GSAP: variants seen among roughly 807,000 people sequenced by gnomAD.
GSAP encodes the protein gamma-secretase-activating protein.
Under a neutral mutation model 131.7 loss-of-function variants are expected in GSAP, and 118 were observed. The observed-to-expected ratio is 0.90, with a 90% CI of 0.77 to 1.04. The LOEUF (loss-of-function observed/expected upper bound fraction) is 1.04, where lower values mean the gene tolerates loss of function less well. Among genes scored for constraint, GSAP ranks in the 50% least tolerant of loss-of-function variants. The pLI, the probability that GSAP is intolerant of heterozygous loss-of-function variation, is 0.00. For missense variants in GSAP, 1,019 were observed against 1,013.2 expected (o/e 1.01, Z -0.08); for synonymous variants, 381 against 363.4 (o/e 1.05, Z -0.55).
At chr7:77,325,865 C>A (rs971407874) in intron 23 of GSAP, among the ~76,000 whole-genome samples, 5 of 152,170 alleles carry the variant, frequency 3.3e-5, no homozygotes, top group Non-Finnish European at 7.3e-5. Context: ...GCCACTGTGC[C>A]CGGCCTGTTC....
intron 19 of GSAP, among the ~76,000 whole-genome samples, chr7:77,335,554 T>C (rs1250526471): frequency 6.6e-6 from 1 of 152,160 alleles, no homozygotes; most frequent in African/African-American, 2.4e-5. Flanking sequence ...ATCACAACTA[T>C]TCACTGAACA....
chr7:77,385,606 T>C (rs1485245222), intron 6 of GSAP, among the ~76,000 whole-genome samples: 1 of 152,066 alleles, frequency 6.6e-6, no homozygotes, highest in African/African-American at 2.4e-5. Flanking sequence ...CTCCCCACAT[T>C]GATGACAGTG....
intron 12 of GSAP, among the ~76,000 whole-genome samples, chr7:77,368,769 ATAAT>A (rs756316133): frequency 6.6e-6 from 1 of 152,238 alleles, no homozygotes; most frequent in Non-Finnish European, 1.5e-5. Flanking sequence ...TTCTTGTGAG[ATAAT>A]TAAATAAGAT....
intron 5 of GSAP, among the ~76,000 whole-genome samples, chr7:77,390,859 G>T (rs1207554295): frequency 6.8e-6 from 1 of 146,040 alleles, no homozygotes; most frequent in Non-Finnish European, 1.5e-5. Flanking sequence ...TAAGGCAGGA[G>T]ACTCGCTTGA....
At chr7:77,317,974 T>C (rs935798701) in intron 26 of GSAP, among the ~76,000 whole-genome samples, 2 of 152,156 alleles carry the variant, frequency 1.3e-5, no homozygotes, top group African/African-American at 4.8e-5. Context: ...AGACATTAAA[T>C]AAGGTGGATG....
intron 1 of GSAP, among the ~76,000 whole-genome samples, chr7:77,413,830 T>C (rs1429030543): frequency 6.7e-6 from 1 of 149,804 alleles, no homozygotes; most frequent in Non-Finnish European, 1.5e-5. Context: ...TTAAGCTGGG[T>C]AGTGGATACA....
chr7:77,415,964 G>C (rs1804344947), intron 1 of GSAP: 1 of 384,278 alleles, frequency 2.6e-6, no homozygotes, highest in South Asian at 7.3e-5. Flanking sequence ...GAATTTCCGC[G>C]GGCCGGCAGC....
rs760144056 is a variant in GSAP, at chr7:77,382,647, T to TA, written c.457-5dup. 4 of 1,489,694 alleles carry TA rather than the reference T, an allele frequency of 2.7e-6. No individual in the cohort carries two copies. The highest frequency in any genetic ancestry group is 1.4e-5 in the African/African-American group (1 of 72,386). The allele number at this position is 1,489,694 out of a possible 1,614,324, so 92.3% of individuals were successfully genotyped here. A position where few individuals can be genotyped will look rare whatever the true frequency, so the allele number is the denominator to read the frequency against. ...TTTCAATATGTGGGTAGAGAAACTGTAAAAAAGAAATTAATCATAATTGTA... is the reference window on the plus strand; with the variant it reads ...TTTCAATATGTGGGTAGAGAAACTGTAAAAAAAGAAATTAATCATAATTGTA... On this transcript the variant is annotated splice_polypyrimidine_tract_variant and splice_region_variant and intron_variant, in intron 6 of 30. Coordinates refer to ENST00000257626, the MANE Select transcript of GSAP (RefSeq NM_017439.4).
intron 26 of GSAP, among the ~76,000 whole-genome samples, chr7:77,318,338 A>G (rs1167203250): frequency 6.7e-6 from 1 of 150,164 alleles, no homozygotes; most frequent in Non-Finnish European, 1.5e-5. Context: ...AGTTTCTACC[A>G]GTTAAAATTT....
At chr7:77,365,648 G>C (rs918168697) in intron 12 of GSAP, among the ~76,000 whole-genome samples, 1 of 152,158 alleles carries the variant, frequency 6.6e-6, no homozygotes, top group East Asian at 1.9e-4. Context: ...GGGCATTTAG[G>C]TTGATTCCAT....
chr7:77,384,276 G>A (rs1181969541), intron 6 of GSAP, among the ~76,000 whole-genome samples: 1 of 152,172 alleles, frequency 6.6e-6, no homozygotes, highest in Non-Finnish European at 1.5e-5. Flanking sequence ...GTGCTGAAGA[G>A]GTGTAACTGC....
intron 10 of GSAP, among the ~76,000 whole-genome samples, chr7:77,375,310 C>T (rs534449994): frequency 1.5e-4 from 23 of 152,286 alleles, no homozygotes; most frequent in Non-Finnish European, 2.8e-4. Flanking sequence ...TAATCATGAG[C>T]TTGATGTTTG....
At chr7:77,379,753 C>CCT (rs1372784901) in intron 8 of GSAP, 3 of 394,932 alleles carry the variant, frequency 7.6e-6, no homozygotes, top group Non-Finnish European at 1.0e-5. Context: ...GACTCCTGGC[C>CCT]CTCTCTGTCC....
intron 1 of GSAP, among the ~76,000 whole-genome samples, chr7:77,409,411 T>C (rs1173191201): frequency 6.6e-6 from 1 of 152,202 alleles, no homozygotes; most frequent in East Asian, 1.9e-4. Context: ...ATTCCAGGCC[T>C]ACTATACTTT....
In GSAP at chr7:77,314,264, G is replaced by T. The variant is rs1794731072; in HGVS notation, c.2209+106C>A. 10 of 1,165,050 alleles carry T rather than the reference G, an allele frequency of 8.6e-6. No homozygotes were observed. The South Asian group carries it at 1.3e-4, about 16-fold the overall frequency. 72.2% of individuals were successfully genotyped at this position (1,165,050 alleles called of 1,614,324 possible). A position where few individuals can be genotyped will look rare whatever the true frequency, so the allele number is the denominator to read the frequency against. Reference sequence around the variant, plus strand: ...ATTAAACTGAGCAGGGCACTCTTCTGAGTGCAGCCAGGCTCTTGGTGACTG... The same window carrying T: ...ATTAAACTGAGCAGGGCACTCTTCTTAGTGCAGCCAGGCTCTTGGTGACTG... On this transcript the variant is annotated intron_variant, in intron 27 of 30. Transcript: ENST00000257626.
At position 77,312,102 on chromosome 7, in the gene GSAP, T is replaced by A; in HGVS notation, c.2372A>T (p.Gln791Leu). Reference sequence around the variant, plus strand: ...GGCTGTGCTTTCAGAGAAACTCACCTGTTTCTTATAGTTCTGAAGCAGTCG... The same window carrying A: ...GGCTGTGCTTTCAGAGAAACTCACCAGTTTCTTATAGTTCTGAAGCAGTCG... ...VTRLLQNYKK[Q>L]PRNSMINKSS... Residue 791 changes from glutamine (Q) to leucine (L), a missense_variant and splice_region_variant, in exon 29 of 31, where the codon CAG (glutamine) becomes CTG (leucine). By Grantham distance (113) the Gln-to-Leu change is moderately radical (BLOSUM62 -2). Coordinates refer to ENST00000257626, the MANE Select transcript of GSAP (RefSeq NM_017439.4). 1 of 1,568,428 alleles carries A rather than the reference T, an allele frequency of 6.4e-7. No homozygotes were observed. Among genetic ancestry groups the A allele is most frequent in the South Asian group, 1.2e-5 (1 of 86,898 alleles).
intron 18 of GSAP, among the ~76,000 whole-genome samples, chr7:77,350,170 A>G (rs1792588256): frequency 1.3e-5 from 2 of 150,138 alleles, no homozygotes; most frequent in Admixed American, 1.3e-4. Flanking sequence ...AACTATCGCA[A>G]GGACAAAAAA....
chr7:77,345,413 TTTATG>T (rs1791647804), intron 19 of GSAP, among the ~76,000 whole-genome samples: 2 of 152,144 alleles, frequency 1.3e-5, no homozygotes, highest in Non-Finnish European at 2.9e-5. Flanking sequence ...TCAATGCTAT[TTTATG>T]TTATTTTTCT....
Position 77,377,230 on chromosome 7 carries a change from ATTTTTGT to A in GSAP, c.681+49_681+55del, listed in dbSNP as rs1317739401. ...AGACCCTGTCTCTAAAAAAATTAATATTTTTGTAAAAAAAAAAAAAAAAAAAAAGGAG... is the reference window on the plus strand; with the variant it reads ...AGACCCTGTCTCTAAAAAAATTAATAAAAAAAAAAAAAAAAAAAAAAGGAG... On this transcript the variant is annotated intron_variant, in intron 9 of 30. Coordinates refer to ENST00000257626, the MANE Select transcript of GSAP (RefSeq NM_017439.4). 5 of 1,236,400 alleles carry A rather than the reference ATTTTTGT, an allele frequency of 4.0e-6. No homozygotes were observed. In the African/African-American group the frequency reaches 1.0e-4, roughly 25 times the overall value. The allele number at this position is 1,236,400 out of a possible 1,614,324, so 76.6% of individuals were successfully genotyped here.
Sources: gnomAD v4.1 joint callset for allele counts (sites outside exome capture counted in the v4.1 genomes callset) on GRCh38, gnomAD v4.1.1 for gene constraint, MANE v1.5 for transcripts, NCBI Gene and HGNC (gene_info 2026-07-23, HGNC 2026-07-21) for gene names.